SH3BGRL: variants seen among roughly 807,000 people sequenced by gnomAD.
SH3BGRL encodes the protein adapter SH3BGRL.
SH3BGRL carries 7 observed loss-of-function variants against 9.8 expected under a neutral mutation model. The observed-to-expected ratio is 0.72, with a 90% CI of 0.41 to 1.35. The LOEUF (loss-of-function observed/expected upper bound fraction) is 1.35, where lower values mean the gene tolerates loss of function less well. Among genes scored for constraint, SH3BGRL ranks in the 40% most tolerant of loss-of-function variants. The pLI is 0.01. For missense variants in SH3BGRL, 73 were observed against 84.4 expected, an observed-to-expected ratio of 0.86 and a Z score of 0.53; for synonymous variants, 36 against 29.1, an observed-to-expected ratio of 1.24 and a Z score of -0.76.
At chrX:81,223,779 C>T (rs2075608276) in intron 1 of SH3BGRL, among the ~76,000 whole-genome samples, 1 of 111,638 alleles carries the variant, frequency 9.0e-6, no homozygotes, top group South Asian at 3.8e-4. Context: ...CAGCTCACTA[C>T]AGCCTCCAAC....
chrX:81,280,408 C>G (rs758681930), intron 3 of SH3BGRL, among the ~76,000 whole-genome samples: 1 of 111,856 alleles, frequency 8.9e-6, no homozygotes, highest in Non-Finnish European at 1.9e-5. Context: ...AGGACCCTCA[C>G]GGAGTCCATT....
At chrX:81,227,505 C>T (rs1162157157) in intron 1 of SH3BGRL, among the ~76,000 whole-genome samples, 1 of 111,538 alleles carries the variant, frequency 9.0e-6, no homozygotes, top group African/African-American at 3.3e-5. Context: ...GAAGAATGTG[C>T]AAAAATTCTT....
At chrX:81,243,110 A>G in intron 1 of SH3BGRL, among the ~76,000 whole-genome samples, 1 of 112,505 alleles carries the variant, frequency 8.9e-6, no homozygotes, top group Middle Eastern at 4.6e-3. Flanking sequence ...TAGCATTCAC[A>G]ATAGGTAAGA....
At chrX:81,292,378 C>G (rs2075860810) in intron 3 of SH3BGRL, among the ~76,000 whole-genome samples, 1 of 111,559 alleles carries the variant, frequency 9.0e-6, no homozygotes. Flanking sequence ...CCCTTTTAGC[C>G]ATGGTTGTAG....
chrX:81,250,274 C>T (rs756924093), intron 1 of SH3BGRL, among the ~76,000 whole-genome samples: 177 of 109,009 alleles, frequency 1.6e-3, no homozygotes, highest in African/African-American at 5.8e-3. Context: ...GTGGCACATG[C>T]CTGTAGTCCC....
At chrX:81,297,126 A>G in intron 3 of SH3BGRL, 69 bp from the exon 4 acceptor site, 1 of 951,239 alleles carries the variant, frequency 1.1e-6, no homozygotes, top group Non-Finnish European at 1.5e-6. Context: ...ATGTAGTCTG[A>G]CTAAAATACA....
intron 1 of SH3BGRL, among the ~76,000 whole-genome samples, chrX:81,209,740 C>G (rs1295910888): frequency 8.9e-6 from 1 of 111,966 alleles, no homozygotes; most frequent in Admixed American, 9.4e-5. Context: ...AACCCGTACT[C>G]GAGAGTGAGA....
intron 3 of SH3BGRL, among the ~76,000 whole-genome samples, chrX:81,280,747 T>A (rs1419406424): frequency 9.0e-6 from 1 of 111,192 alleles, no homozygotes; most frequent in Non-Finnish European, 1.9e-5. Flanking sequence ...AGTGGTAATA[T>A]GACAAAACAG....
At chrX:81,267,370 A>G (rs1445596000) in intron 1 of SH3BGRL, among the ~76,000 whole-genome samples, 1 of 111,674 alleles carries the variant, frequency 9.0e-6, no homozygotes, top group Non-Finnish European at 1.9e-5. Context: ...TATTATGTTG[A>G]GATACGTTTC....
At chrX:81,285,470 G>A (rs1240337410) in intron 3 of SH3BGRL, among the ~76,000 whole-genome samples, 2 of 111,310 alleles carry the variant, frequency 1.8e-5, no homozygotes, top group Admixed American at 9.5e-5. Flanking sequence ...TTCACCCAGT[G>A]GTTTCACATT....
intron 1 of SH3BGRL, among the ~76,000 whole-genome samples, chrX:81,233,216 G>C (rs189040787): frequency 9.0e-6 from 1 of 111,578 alleles, no homozygotes; most frequent in East Asian, 2.8e-4. Context: ...TTGTATTTTA[G>C]TTTAAACAAC....
intron 1 of SH3BGRL, among the ~76,000 whole-genome samples, chrX:81,206,076 T>C (rs1219870154): frequency 1.8e-5 from 2 of 111,985 alleles, no homozygotes; most frequent in African/African-American, 6.5e-5. Context: ...TTTTGTGGGT[T>C]TCTTTTTTGC....
intron 1 of SH3BGRL, among the ~76,000 whole-genome samples, chrX:81,250,725 A>G (rs1053573316): frequency 8.9e-6 from 1 of 112,161 alleles, no homozygotes; most frequent in African/African-American, 3.2e-5. Context: ...TGCAATAAAA[A>G]TGCAGAATTT....
At chrX:81,205,528 A>G (rs2075544842) in intron 1 of SH3BGRL, among the ~76,000 whole-genome samples, 1 of 104,441 alleles carries the variant, frequency 9.6e-6, no homozygotes, top group African/African-American at 3.5e-5. Flanking sequence ...ATATATATAT[A>G]TATCACATTT....
chrX:81,213,595 C>T (rs1250251568), intron 1 of SH3BGRL, among the ~76,000 whole-genome samples: 1 of 110,592 alleles, frequency 9.0e-6, no homozygotes, highest in Non-Finnish European at 1.9e-5. Context: ...TATATTGTTA[C>T]AGTTTTTTTT....
chrX:81,250,713 G>A (rs937828929), intron 1 of SH3BGRL, among the ~76,000 whole-genome samples: 10 of 111,851 alleles, frequency 8.9e-5, no homozygotes, highest in Admixed American at 4.7e-4. Context: ...AGCACCCATA[G>A]GTGCAATAAA....
chrX:81,230,627 C>T (rs1339166753), intron 1 of SH3BGRL, among the ~76,000 whole-genome samples: 1 of 111,977 alleles, frequency 8.9e-6, no homozygotes, highest in Non-Finnish European at 1.9e-5. Context: ...CCAGAACAGG[C>T]TGAATAATAT....
chrX:81,205,806 C>T (rs1426227636), intron 1 of SH3BGRL, among the ~76,000 whole-genome samples: 1 of 110,420 alleles, frequency 9.1e-6, no homozygotes, highest in African/African-American at 3.3e-5. Context: ...TTTTCCATAG[C>T]AGCTGTACTA....
chrX:81,288,895 CA>C (rs2075846867), intron 3 of SH3BGRL, among the ~76,000 whole-genome samples: 1 of 111,048 alleles, frequency 9.0e-6, no homozygotes, highest in South Asian at 3.7e-4. Context: ...ATAAAAATAT[CA>C]ATGACATTCT....
Sources: allele counts gnomAD v4.1 joint callset (sites outside exome capture counted in the v4.1 genomes callset), GRCh38; gene constraint gnomAD v4.1.1; transcripts MANE v1.5; gene names NCBI Gene and HGNC (gene_info 2026-07-23, HGNC 2026-07-21).